Variants in EYS observed in about 807,000 individuals in gnomAD.
The protein encoded by EYS is protein eyes shut homolog.
In EYS, 250 loss-of-function variants were observed where a neutral mutation model predicts 282.1. The observed-to-expected ratio is 0.89, with a 90% confidence interval of 0.80 to 0.98. EYS has a LOEUF of 0.98. EYS is among the 50% of genes least tolerant of loss of function. EYS has a pLI of 0.00. For synonymous variants in EYS, 1,355 were observed against 1,282.9 expected (o/e 1.06, Z -1.20); for missense variants, 4,016 against 3,709.0 (o/e 1.08, Z -2.15).
chr6:65,064,175 A>G (rs902213659), intron 12 of EYS, among the ~76,000 whole-genome samples: 10 of 143,296 alleles, frequency 7.0e-5, no homozygotes, highest in African/African-American at 2.0e-4. Flanking sequence ...AATATATATA[A>G]TATATAGTAT....
chr6:64,152,720 A>T (rs1485832752), intron 31 of EYS, among the ~76,000 whole-genome samples: 7 of 152,158 alleles, frequency 4.6e-5, no homozygotes, highest in Non-Finnish European at 5.9e-5. Context: ...CTAGAGAGTC[A>T]CCTTTCTGAG....
chr6:64,884,176 T>A (rs1767011022), intron 19 of EYS, among the ~76,000 whole-genome samples: 1 of 151,574 alleles, frequency 6.6e-6, no homozygotes, highest in Non-Finnish European at 1.5e-5. Flanking sequence ...CCTTAATAAC[T>A]TGGTTAAATG....
At chr6:65,226,172 G>A (rs1180316833) in intron 12 of EYS, among the ~76,000 whole-genome samples, 1 of 151,980 alleles carries the variant, frequency 6.6e-6, no homozygotes, top group Non-Finnish European at 1.5e-5. Context: ...CAACATGGTT[G>A]TAGAATACAT....
chr6:65,425,656 AT>A (rs1562172448), intron 5 of EYS, among the ~76,000 whole-genome samples: 1 of 152,248 alleles, frequency 6.6e-6, no homozygotes, highest in East Asian at 1.9e-4. Context: ...TCCATTAGAA[AT>A]TTAAACAGTG....
intron 14 of EYS, among the ~76,000 whole-genome samples, chr6:64,954,719 G>A (rs1300011171): frequency 6.6e-6 from 1 of 152,036 alleles, no homozygotes; most frequent in East Asian, 1.9e-4. Context: ...GCAAGATGGT[G>A]GAATAGAAAG....
intron 5 of EYS, 72 bp from the exon 6 acceptor site, chr6:65,405,439 G>T: frequency 8.4e-7 from 1 of 1,194,126 alleles, no homozygotes; most frequent in South Asian, 1.3e-5. Flanking sequence ...TAGATATGTA[G>T]CAAAACATTC....
chr6:64,404,286 T>C (rs1433188493), intron 28 of EYS, among the ~76,000 whole-genome samples: 1 of 152,146 alleles, frequency 6.6e-6, no homozygotes, highest in African/African-American at 2.4e-5. Context: ...TTTGAAACCA[T>C]ATATGCTGTT....
intron 12 of EYS, among the ~76,000 whole-genome samples, chr6:65,288,932 G>A (rs1768445766): frequency 6.6e-6 from 1 of 150,560 alleles, no homozygotes; most frequent in Non-Finnish European, 1.5e-5. Flanking sequence ...GAGTAGTAAA[G>A]GTAAGTGTTA....
At chr6:65,165,384 G>A (rs1297534632) in intron 12 of EYS, among the ~76,000 whole-genome samples, 1 of 150,124 alleles carries the variant, frequency 6.7e-6, no homozygotes, top group African/African-American at 2.4e-5. Context: ...ATTTTAGAGT[G>A]TGTCTACTTG....
intron 29 of EYS, among the ~76,000 whole-genome samples, chr6:64,327,037 G>A (rs554549742): frequency 4.6e-5 from 7 of 152,222 alleles, no homozygotes; most frequent in African/African-American, 7.2e-5. Context: ...AAGGAAAACC[G>A]TTTCAGGGAC....
intron 39 of EYS, among the ~76,000 whole-genome samples, chr6:63,783,396 G>T (rs1409124064): frequency 6.6e-6 from 1 of 152,140 alleles, no homozygotes; most frequent in Admixed American, 6.5e-5. Context: ...CCAGAACTCA[G>T]GCACATGGTC....
At chr6:64,634,266 G>A (rs1328886595) in intron 22 of EYS, among the ~76,000 whole-genome samples, 1 of 152,194 alleles carries the variant, frequency 6.6e-6, no homozygotes, top group East Asian at 1.9e-4. Flanking sequence ...ACAGGCGTGA[G>A]CCACCACACC....
At chr6:64,981,023 A>G (rs992362472) in intron 14 of EYS, among the ~76,000 whole-genome samples, 1 of 151,446 alleles carries the variant, frequency 6.6e-6, no homozygotes, top group African/African-American at 2.4e-5. Context: ...CAATCATAAA[A>G]TTCACTTAGA....
chr6:65,390,956 T>C (rs1333409200), intron 7 of EYS, among the ~76,000 whole-genome samples: 1 of 152,068 alleles, frequency 6.6e-6, no homozygotes, highest in African/African-American at 2.4e-5. Flanking sequence ...CAAAATGAGA[T>C]ACAGAGGGCA....
intron 31 of EYS, among the ~76,000 whole-genome samples, chr6:64,198,315 T>G (rs1223238415): frequency 1.3e-5 from 2 of 152,094 alleles, no homozygotes; most frequent in African/African-American, 4.8e-5. Flanking sequence ...CCTATAATTT[T>G]TTTATTATTA....
chr6:64,735,530 A>G (rs576683478), intron 22 of EYS, among the ~76,000 whole-genome samples: 1 of 152,328 alleles, frequency 6.6e-6, no homozygotes, highest in South Asian at 2.1e-4. Context: ...ATTTGAAAAA[A>G]ATTGTATAAC....
intron 22 of EYS, among the ~76,000 whole-genome samples, chr6:64,644,819 G>A (rs9445087): frequency 1 from 152,093 of 152,322 alleles, 75,932 homozygotes; most frequent in Non-Finnish European, 1. Flanking sequence ...ATATTCTCAG[G>A]GTTAGTGCAA....
At chr6:63,909,748 A>G (rs1162464014) in intron 35 of EYS, among the ~76,000 whole-genome samples, 1 of 152,214 alleles carries the variant, frequency 6.6e-6, no homozygotes, top group Non-Finnish European at 1.5e-5. Context: ...GGGGAGGTGT[A>G]AGAAATTCTG....
At chr6:64,773,920 A>G (rs1333458760) in intron 22 of EYS, among the ~76,000 whole-genome samples, 1 of 151,880 alleles carries the variant, frequency 6.6e-6, no homozygotes, top group Non-Finnish European at 1.5e-5. Flanking sequence ...GCTGTGCAGA[A>G]GCTCTTTAGT....
Sources: gnomAD v4.1 joint callset for allele counts (sites outside exome capture counted in the v4.1 genomes callset) on GRCh38, gnomAD v4.1.1 for gene constraint, MANE v1.5 for transcripts, NCBI Gene and HGNC (gene_info 2026-07-23, HGNC 2026-07-21) for gene names.